The following ERAS variants were observed in gnomAD, a reference collection of about 807,000 sequenced individuals.
The protein encoded by ERAS is GTPase ERas.
For synonymous variants in ERAS, 87 were observed against 89.1 expected (o/e 0.98, Z 0.13); for missense variants, 137 against 199.2 (o/e 0.69, Z 1.88).
In ERAS at chrX:48,826,523, A is replaced by AGCGCGCCCGCCTCCCC. The variant is rs1223628033; in HGVS notation, c.-69_-54dup. 4.5e-5 allele frequency: 5 copies of AGCGCGCCCGCCTCCCC among 110,705 alleles called. No individual in the cohort carries two copies. The highest frequency in any genetic ancestry group is 1.6e-4 in the African/African-American group (5 of 30,584). The allele number at this position is 110,705 out of a possible 1,213,427, so 9.1% of individuals were successfully genotyped here. Reference sequence around the variant, plus strand: ...CCCGCCAGGCCTGTCAGAGCGTCCCAGCGCGCCCGCCTCCCCACGGACACA... The same window carrying AGCGCGCCCGCCTCCCC: ...CCCGCCAGGCCTGTCAGAGCGTCCCAGCGCGCCCGCCTCCCCGCGCGCCCGCCTCCCCACGGACACA... On this transcript the variant is annotated 5_prime_UTR_variant, in exon 1 of 2. Transcript: ENST00000636362.
chrX:48,829,349 G>T lies in ERAS; in HGVS notation c.226G>T (p.Asp76Tyr). 1.6e-6 allele frequency: 2 copies of T among 1,212,197 alleles called. No homozygotes were observed. Among genetic ancestry groups the T allele is most frequent in the Non-Finnish European group, 2.2e-6 (2 of 895,452 alleles). The change falls in exon 2 of 2, where the codon GAT (aspartate) becomes TAT (tyrosine). Residue 76 changes from aspartate to tyrosine, a missense_variant. Asp to Tyr is a radical substitution (Grantham distance 160). Coordinates refer to ENST00000636362, the MANE Select transcript of ERAS (RefSeq NM_181532.3). ...FVEDHDPTIQ[D>Y]SYWKELTLDS... ...GGAGGACCACGACCCCACCATCCAG[G>T]ATTCCTACTGGAAGGAGTTGACCCT...
At chrX:48,827,028 G>T (rs1557032717) in intron 1 of ERAS, among the ~76,000 whole-genome samples, 1 of 112,447 alleles carries the variant, frequency 8.9e-6, no homozygotes, top group African/African-American at 3.2e-5. Flanking sequence ...CCCGCGGGCT[G>T]AGGCCCCGGG....
Position 48,829,267 on chromosome X carries a change from C to T in ERAS, c.144C>T (p.Gly48=), listed in dbSNP as rs146098580. The stretch of plus-strand genomic sequence containing the variant: ...CTGAGTACAAGGCTGTGGTGGTGGG[C>T]GCCAGTGGCGTGGGCAAGAGTGCGC... ...QLPEYKAVVV[G]ASGVGKSALT... The change falls in exon 2 of 2, where the codon GGC becomes GGT. Residue 48 remains glycine, a synonymous_variant. Coordinates refer to ENST00000636362, the MANE Select transcript of ERAS (RefSeq NM_181532.3). The T allele has an allele frequency of 8.3e-6, 10 of 1,207,684 alleles. No individual in the cohort carries two copies. The Admixed American group carries it at 8.8e-5, about 11-fold the overall frequency.
At chrX:48,828,452 G>A (rs1557032896) in intron 1 of ERAS, among the ~76,000 whole-genome samples, 2 of 112,557 alleles carry the variant, frequency 1.8e-5, no homozygotes, top group African/African-American at 3.2e-5. Context: ...CCCAATAAAT[G>A]TATGTTGAAT....
chrX:48,827,666 A>T (rs1345047418), intron 1 of ERAS, among the ~76,000 whole-genome samples: 2 of 111,991 alleles, frequency 1.8e-5, no homozygotes, highest in African/African-American at 6.5e-5. Context: ...GGCAACAGCC[A>T]TTAGGATGCA....
chrX:48,829,298 A>C lies in ERAS; in HGVS notation c.175A>C (p.Ile59Leu), dbSNP rs782212177. 1.7e-6 allele frequency: 2 copies of C among 1,212,038 alleles called. No homozygotes were observed. Among genetic ancestry groups the C allele is most frequent in the East Asian group, 5.9e-5 (2 of 33,863 alleles). Reference sequence around the variant, plus strand: ...TGGCGTGGGCAAGAGTGCGCTGACCATCCAGCTGAACCACCAGTGCTTCGT... The same window carrying C: ...TGGCGTGGGCAAGAGTGCGCTGACCCTCCAGCTGAACCACCAGTGCTTCGT... ...ASGVGKSALTIQLNHQCFVED... is the reference protein window; with the variant it reads ...ASGVGKSALTLQLNHQCFVED... The change falls in exon 2 of 2, where the codon ATC becomes CTC. Residue 59 changes from isoleucine to leucine, a missense_variant. Transcript: ENST00000636362.
At position 48,829,767 on chromosome X, in the gene ERAS, G is replaced by A. The variant is rs782438398; in HGVS notation, c.644G>A (p.Cys215Tyr). 23 of 1,186,914 alleles carry A rather than the reference G, an allele frequency of 1.9e-5. No homozygotes were observed. The highest frequency in any genetic ancestry group is 2.2e-5 in the Non-Finnish European group (19 of 882,199). The stretch of plus-strand genomic sequence containing the variant: ...GCGAAGGAGCCCATGGCAAGGTCCT[G>A]TAGGGAGAAGACCCGGCACCAGAAG... ...AMAKEPMARS[C>Y]REKTRHQKAT... Residue 215 changes from cysteine (C) to tyrosine (Y), a missense_variant, in exon 2 of 2, where the codon TGT (cysteine) becomes TAT (tyrosine). Transcript: ENST00000636362.
At chrX:48,826,911 G>A (rs1031410873) in intron 1 of ERAS, among the ~76,000 whole-genome samples, 10 of 112,754 alleles carry the variant, frequency 8.9e-5, no homozygotes, top group African/African-American at 3.2e-4. Flanking sequence ...TGGTGAGCTG[G>A]GCGAAGCCCC....
At position 48,828,940 on chromosome X, in the gene ERAS, A is replaced by G. The variant is rs2063165665; in HGVS notation, c.-43-141A>G. ...AAAACAACATAAATCATATATATAT[A>G]GCATGCAAATTGGAAGGTGATCAGC... is the stretch of plus-strand genomic sequence containing the variant. On this transcript the variant is annotated intron_variant, in intron 1 of 1. Transcript: ENST00000636362. 1.1e-5 allele frequency: 4 copies of G among 355,675 alleles called. No homozygotes were observed. In the East Asian group the frequency reaches 1.7e-4, roughly 15 times the overall value. The allele number at this position is 355,675 out of a possible 1,213,427, so 29.3% of individuals were successfully genotyped here.
At chrX:48,826,743 G>A (rs1047797808) in intron 1 of ERAS, among the ~76,000 whole-genome samples, 194 bp downstream of exon 1, 57 of 112,102 alleles carry the variant, frequency 5.1e-4, no homozygotes, top group African/African-American at 1.7e-3. Context: ...TTGACAGGAT[G>A]CCCGGGCGAC....
At chrX:48,827,006 T>C (rs1047826302) in intron 1 of ERAS, among the ~76,000 whole-genome samples, 13 of 112,228 alleles carry the variant, frequency 1.2e-4, no homozygotes, top group African/African-American at 3.9e-4. Context: ...GAGCCCCCAA[T>C]CTCCGGCGCC....
In ERAS at chrX:48,826,521, C is replaced by T. The variant is rs1487973965; in HGVS notation, c.-72C>T. The T allele has an allele frequency of 8.9e-6, 1 of 112,210 alleles. No homozygotes were observed. The highest frequency in any genetic ancestry group is 1.9e-5 in the Non-Finnish European group (1 of 52,878). The allele number at this position is 112,210 out of a possible 1,213,427, so 9.2% of individuals were successfully genotyped here. A position where few individuals can be genotyped will look rare whatever the true frequency, so the allele number is the denominator to read the frequency against. On this transcript the variant is annotated 5_prime_UTR_variant, in exon 1 of 2. Coordinates refer to ENST00000636362, the MANE Select transcript of ERAS (RefSeq NM_181532.3). ...CCCCCGCCAGGCCTGTCAGAGCGTC[C>T]CAGCGCGCCCGCCTCCCCACGGACA...
intron 1 of ERAS, 88 bp from the exon 2 acceptor site, chrX:48,828,993 A>T: frequency 2.1e-6 from 1 of 471,695 alleles, no homozygotes; most frequent in Non-Finnish European, 3.4e-6. Context: ...TAAATGTTGA[A>T]ATAATGACAC....
intron 1 of ERAS, among the ~76,000 whole-genome samples, chrX:48,828,360 C>G (rs2063164667): frequency 9.0e-6 from 1 of 111,680 alleles, no homozygotes; most frequent in African/African-American, 3.3e-5. Context: ...TCTCTCACCC[C>G]GACCAGAATA....
At chrX:48,827,421 G>C (rs1237750312) in intron 1 of ERAS, among the ~76,000 whole-genome samples, 1 of 110,967 alleles carries the variant, frequency 9.0e-6, no homozygotes, top group Non-Finnish European at 1.9e-5. Context: ...CAACCGTCGG[G>C]GACCCCCAAG....
chrX:48,829,546 C>T lies in ERAS; in HGVS notation c.423C>T (p.His141=). The change falls in exon 2 of 2, where the codon CAC becomes CAT. Residue 141 remains histidine, a synonymous_variant. Transcript: ENST00000636362. ...AGATATGGGCCACCTGGGGCCCTCACCCCGCCCAGCCCCTTGTCCTCGTGG... is the reference window on the plus strand; with the variant it reads ...AGATATGGGCCACCTGGGGCCCTCATCCCGCCCAGCCCCTTGTCCTCGTGG... ...LQQIWATWGP[H]PAQPLVLVGN... is the part of the protein sequence containing the mutation. 2.5e-6 allele frequency: 3 copies of T among 1,211,634 alleles called. No individual in the cohort carries two copies. The highest frequency in any genetic ancestry group is 3.4e-6 in the Non-Finnish European group (3 of 895,177).
rs782121312 is a variant in ERAS at position 48,829,428 on chromosome X, A to C, written c.305A>C (p.His102Pro). Residue 102 changes from histidine (H) to proline (P), a missense_variant, in exon 2 of 2, where the codon CAT (histidine) becomes CCT (proline). His to Pro is a moderately conservative substitution (Grantham distance 77). Coordinates refer to ENST00000636362, the MANE Select transcript of ERAS (RefSeq NM_181532.3). ...NVLDTAGQAI[H>P]RALRDQCLAV... ...CTGGACACAGCAGGGCAGGCCATCC[A>C]TAGGGCCCTGCGTGACCAGTGCCTG... The C allele has an allele frequency of 8.3e-7, 1 of 1,207,893 alleles. No homozygotes were observed. The highest frequency in any genetic ancestry group is 2.2e-5 in the Admixed American group (1 of 45,814).
At chrX:48,826,644 CG>C (rs2063159470) in intron 1 of ERAS, 95 bp downstream of exon 1, 1 of 112,227 alleles carries the variant, frequency 8.9e-6, no homozygotes, top group Non-Finnish European at 1.9e-5. Flanking sequence ...AGCCTTCTCC[CG>C]GGCGAGCGGC....
chrX:48,829,688 G>A lies in ERAS; in HGVS notation c.565G>A (p.Glu189Lys). ...CTCGGCCAAAACACGGCAAGGCGTG[G>A]AGGAGGCCTTTTCCCTGCTGGTCCA... ...ETSAKTRQGV[E>K]EAFSLLVHEI... The change falls in exon 2 of 2, where the codon GAG becomes AAG. Residue 189 changes from glutamate to lysine, a missense_variant. Transcript: ENST00000636362. 8.3e-7 allele frequency: 1 copy of A among 1,207,891 alleles called. No individual in the cohort carries two copies. The highest frequency in any genetic ancestry group is 1.1e-6 in the Non-Finnish European group (1 of 893,497).
Sources: allele counts gnomAD v4.1 joint callset (sites outside exome capture counted in the v4.1 genomes callset), GRCh38; gene constraint gnomAD v4.1.1; transcripts MANE v1.5; gene names NCBI Gene and HGNC (gene_info 2026-07-23, HGNC 2026-07-21).